Variants in PTPRJ observed in about 807,000 individuals in gnomAD.
PTPRJ encodes the protein protein tyrosine phosphatase receptor type J.
A neutral mutation model predicts 141.3 loss-of-function variants in PTPRJ; 129 were observed. The ratio of observed to expected loss-of-function variants is 0.91; its 90% CI spans 0.79 to 1.06. The LOEUF (loss-of-function observed/expected upper bound fraction) is 1.06, where lower values mean the gene tolerates loss of function less well. Among genes scored for constraint, PTPRJ ranks in the 50% least tolerant of loss-of-function variants. The probability of loss-of-function intolerance (pLI) is 0.00; values close to 1 mark genes in which losing one functional copy is unlikely to be tolerated. For synonymous variants in PTPRJ, 610 were observed against 640.5 expected, an observed-to-expected ratio of 0.95 and a Z score of 0.72; for missense variants, 1,601 against 1,679.7, an observed-to-expected ratio of 0.95 and a Z score of 0.82.
intron 3 of PTPRJ, 93 bp from the exon 4 acceptor site, chr11:48,120,910 A>C: frequency 8.4e-7 from 1 of 1,197,550 alleles, no homozygotes; most frequent in Non-Finnish European, 1.1e-6. Flanking sequence ...GTGATTGGAA[A>C]GTCACTTCTG....
Position 48,130,670 on chromosome 11 carries a change from A to T in PTPRJ, c.1569A>T (p.Gly523=). 1 of 1,614,068 alleles carries T rather than the reference A, an allele frequency of 6.2e-7. No individual in the cohort carries two copies. The highest frequency in any genetic ancestry group is 8.5e-7 in the Non-Finnish European group (1 of 1,179,966). ...ATTGCTTTGAAATAGTTCCAAAAGG[A>T]CCAAATGGGACTGAAGGGGCATCTC... ...TKYCFEIVPK[G]PNGTEGASRT... is the part of the protein sequence containing the mutation. Residue 523 remains glycine (G), a synonymous_variant, in exon 8 of 25, where the codon GGA becomes GGT. Coordinates refer to ENST00000418331, the MANE Select transcript of PTPRJ (RefSeq NM_002843.4).
intron 12 of PTPRJ, among the ~76,000 whole-genome samples, chr11:48,143,645 C>T (rs374851204): frequency 1.7e-4 from 26 of 152,288 alleles, no homozygotes; most frequent in African/African-American, 6.3e-4. Context: ...AGCTGCTTTT[C>T]CTTAAAGGGC....
In PTPRJ at chr11:48,167,331, C is replaced by T; in HGVS notation, c.3983C>T (p.Thr1328Ile). 1 of 1,614,182 alleles carries T rather than the reference C, an allele frequency of 6.2e-7. No homozygotes were observed. Among genetic ancestry groups the T allele is most frequent in the Non-Finnish European group, 8.5e-7 (1 of 1,180,006 alleles). Residue 1328 changes from threonine (T) to isoleucine (I), a missense_variant, in exon 25 of 25, where the codon ACA (threonine) becomes ATA (isoleucine). Coordinates refer to ENST00000418331, the MANE Select transcript of PTPRJ (RefSeq NM_002843.4). ...TATGAAAACCTTGCGCCCGTGACCA[C>T]ATTTGGAAAGACCAATGGTTACATC... ...TIYENLAPVT[T>I]FGKTNGYIA
intron 8 of PTPRJ, among the ~76,000 whole-genome samples, 161 bp downstream of exon 8, chr11:48,130,877 G>A (rs1251289987): frequency 6.6e-6 from 1 of 151,006 alleles, no homozygotes; most frequent in African/African-American, 2.4e-5. Flanking sequence ...ATGAAATACA[G>A]ACAAGTAAGT....
chr11:48,009,460 G>C (rs902116999), intron 1 of PTPRJ, among the ~76,000 whole-genome samples: 5 of 152,124 alleles, frequency 3.3e-5, no homozygotes, highest in African/African-American at 1.2e-4. Context: ...GCTGGGTATG[G>C]TGGCTCATGC....
At chr11:48,162,060 A>G (rs1273765942) in intron 22 of PTPRJ, among the ~76,000 whole-genome samples, 1 of 151,998 alleles carries the variant, frequency 6.6e-6, no homozygotes, top group Non-Finnish European at 1.5e-5. Flanking sequence ...TATGATTATT[A>G]TTTTTTATTA....
At chr11:48,078,401 G>A (rs1344497616) in intron 1 of PTPRJ, among the ~76,000 whole-genome samples, 5 of 152,136 alleles carry the variant, frequency 3.3e-5, no homozygotes, top group Non-Finnish European at 5.9e-5. Flanking sequence ...GATGGGTTTC[G>A]GCAGTTCAGG....
intron 1 of PTPRJ, among the ~76,000 whole-genome samples, chr11:47,995,299 T>C (rs1483446392): frequency 6.6e-6 from 1 of 152,226 alleles, no homozygotes; most frequent in Admixed American, 6.5e-5. Flanking sequence ...ACTCATTTAA[T>C]CCTATGACGT....
At chr11:48,035,712 G>A (rs1854108320) in intron 1 of PTPRJ, among the ~76,000 whole-genome samples, 1 of 151,892 alleles carries the variant, frequency 6.6e-6, no homozygotes. Flanking sequence ...TATTATTGGC[G>A]ATTGCAGGAT....
intron 1 of PTPRJ, among the ~76,000 whole-genome samples, chr11:48,101,251 G>T (rs1405695218): frequency 6.6e-6 from 1 of 152,200 alleles, no homozygotes; most frequent in Non-Finnish European, 1.5e-5. Context: ...CTGCTAATAG[G>T]TGGTGGTGCC....
intron 21 of PTPRJ, 27 bp downstream of exon 21, chr11:48,156,146 T>G (rs373247750): frequency 3.9e-6 from 6 of 1,520,220 alleles, no homozygotes; most frequent in Non-Finnish European, 5.4e-6. Context: ...GTTTTTAAAA[T>G]TTAAAATTAC....
intron 7 of PTPRJ, among the ~76,000 whole-genome samples, chr11:48,128,260 G>C (rs1349949996): frequency 6.6e-6 from 1 of 152,224 alleles, no homozygotes; most frequent in African/African-American, 2.4e-5. Flanking sequence ...CCAAGGCTGA[G>C]AGAGGTGCTA....
chr11:48,153,613 A>C (rs1446956435), intron 18 of PTPRJ, among the ~76,000 whole-genome samples, 183 bp from the exon 19 acceptor site: 1 of 152,148 alleles, frequency 6.6e-6, no homozygotes, highest in Non-Finnish European at 1.5e-5. Context: ...TTTCCTGAGA[A>C]AGGAACTCAG....
chr11:48,131,460 C>T, intron 8 of PTPRJ: 1 of 768,962 alleles, frequency 1.3e-6, no homozygotes, highest in Non-Finnish European at 2.4e-6. Context: ...TTTTCCCCAA[C>T]TTGCCAATTA....
intron 1 of PTPRJ, among the ~76,000 whole-genome samples, chr11:48,027,132 G>A (rs956257476): frequency 3.3e-5 from 5 of 151,086 alleles, no homozygotes; most frequent in Non-Finnish European, 7.4e-5. Flanking sequence ...AGCCTCCAGG[G>A]TAGCTGGGAC....
At chr11:48,096,348 C>G (rs755195497) in intron 1 of PTPRJ, among the ~76,000 whole-genome samples, 29 of 152,122 alleles carry the variant, frequency 1.9e-4, no homozygotes, top group Admixed American at 4.6e-4. Context: ...GAAAATCACT[C>G]TTAGCCCAAA....
At chr11:48,088,187 T>C (rs973390710) in intron 1 of PTPRJ, among the ~76,000 whole-genome samples, 15 of 152,238 alleles carry the variant, frequency 9.9e-5, no homozygotes, top group African/African-American at 3.6e-4. Flanking sequence ...TGAGATGACA[T>C]GTCCCCTTCT....
chr11:48,132,800 G>GCACA, intron 8 of PTPRJ: 1 of 890,160 alleles, frequency 1.1e-6, no homozygotes, highest in Non-Finnish European at 1.3e-6. Context: ...CAACTGTGCT[G>GCACA]GTTGGGTTAA....
In PTPRJ at chr11:48,168,562, A is replaced by G. The variant is rs1330225977; in HGVS notation, c.*1200A>G. ...TATATATATATATATATATATATAT[A>G]TATATATATATATATATATACACTA... On this transcript the variant is annotated 3_prime_UTR_variant, in exon 25 of 25. Transcript: ENST00000418331. 1 of 123,424 alleles carries G rather than the reference A, an allele frequency of 8.1e-6. No individual in the cohort carries two copies. Among genetic ancestry groups the G allele is most frequent in the Non-Finnish European group, 1.7e-5 (1 of 58,458 alleles). The allele number at this position is 123,424 out of a possible 1,614,324, so 7.6% of individuals were successfully genotyped here. A position where few individuals can be genotyped will look rare whatever the true frequency, so the allele number is the denominator to read the frequency against.
Sources: gnomAD v4.1 joint callset for allele counts (sites outside exome capture counted in the v4.1 genomes callset) on GRCh38, gnomAD v4.1.1 for gene constraint, MANE v1.5 for transcripts, NCBI Gene and HGNC (gene_info 2026-07-23, HGNC 2026-07-21) for gene names.